Variants in CDK6 observed in about 807,000 individuals in gnomAD.
The protein encoded by CDK6 is cyclin-dependent kinase 6.
Under a neutral mutation model 37.1 loss-of-function variants are expected in CDK6, and 6 were observed. The ratio of observed to expected loss-of-function variants is 0.16; its 90% CI spans 0.09 to 0.32. The LOEUF (loss-of-function observed/expected upper bound fraction) is 0.32, where lower values mean the gene tolerates loss of function less well. CDK6 is among the 10% of genes least tolerant of loss of function. The pLI is 1.00. For missense variants in CDK6, 224 were observed against 418.9 expected (o/e 0.53, Z 4.06); for synonymous variants, 160 against 161.3 (o/e 0.99, Z 0.06).
At chr7:92,698,381 G>A (rs990754061) in intron 4 of CDK6, among the ~76,000 whole-genome samples, 2 of 152,080 alleles carry the variant, frequency 1.3e-5, no homozygotes, top group African/African-American at 4.8e-5. Flanking sequence ...TTTTTCCCTC[G>A]CGCTACCACA....
intron 2 of CDK6, among the ~76,000 whole-genome samples, chr7:92,777,319 G>A (rs1562962456): frequency 6.6e-6 from 1 of 151,994 alleles, no homozygotes; most frequent in Non-Finnish European, 1.5e-5. Flanking sequence ...CACAACCTCC[G>A]CCTCCCAGGT....
At chr7:92,644,831 A>G (rs1796404488) in intron 5 of CDK6, among the ~76,000 whole-genome samples, 1 of 152,206 alleles carries the variant, frequency 6.6e-6, no homozygotes, top group Non-Finnish European at 1.5e-5. Flanking sequence ...GGAACTCCAC[A>G]ACAACTGACC....
intron 5 of CDK6, among the ~76,000 whole-genome samples, chr7:92,655,156 T>G (rs540099519): frequency 2.0e-5 from 3 of 152,168 alleles, no homozygotes; most frequent in East Asian, 1.9e-4. Flanking sequence ...ACCAAATGGA[T>G]TTTTCAATTC....
chr7:92,808,138 T>C (rs1319986177), intron 2 of CDK6, among the ~76,000 whole-genome samples: 1 of 152,200 alleles, frequency 6.6e-6, no homozygotes, highest in Non-Finnish European at 1.5e-5. Context: ...TTTTCTTCTT[T>C]ATGTTTAGTG....
intron 4 of CDK6, among the ~76,000 whole-genome samples, chr7:92,709,476 C>T (rs1202087031): frequency 6.6e-6 from 1 of 151,994 alleles, no homozygotes; most frequent in South Asian, 2.1e-4. Context: ...CTCCTAGATT[C>T]ACCAGGGTTT....
intron 3 of CDK6, among the ~76,000 whole-genome samples, chr7:92,733,693 G>A (rs1168229329): frequency 1.3e-5 from 2 of 152,026 alleles, no homozygotes; most frequent in African/African-American, 4.8e-5. Context: ...TATTTCTCAT[G>A]TTCTAAATTA....
At position 92,609,027 on chromosome 7, in the gene CDK6, T is replaced by TG. The variant is rs1795501210; in HGVS notation, c.*6112dup. The TG allele has an allele frequency of 4.3e-6, 1 of 233,376 alleles. No individual in the cohort carries two copies. The allele number at this position is 233,376 out of a possible 1,614,324, so 14.5% of individuals were successfully genotyped here. On this transcript the variant is annotated 3_prime_UTR_variant, in exon 8 of 8. Transcript: ENST00000424848. ...GGGGCTTTAACTGGACTCTAGTTCC[T>TG]GGGAGCAGAGGGGCGAATGAGGCGG...
chr7:92,636,376 C>A (rs1473386922), intron 5 of CDK6, among the ~76,000 whole-genome samples: 1 of 151,902 alleles, frequency 6.6e-6, no homozygotes, highest in African/African-American at 2.4e-5. Flanking sequence ...ATATTAAGGT[C>A]AACTTCTGGT....
At chr7:92,750,960 C>T (rs1207538066) in intron 3 of CDK6, among the ~76,000 whole-genome samples, 1 of 152,064 alleles carries the variant, frequency 6.6e-6, no homozygotes, top group Non-Finnish European at 1.5e-5. Flanking sequence ...AACTACTACA[C>T]GATTTATTTC....
At chr7:92,818,069 C>T (rs1242383006) in intron 2 of CDK6, among the ~76,000 whole-genome samples, 2 of 151,904 alleles carry the variant, frequency 1.3e-5, no homozygotes, top group African/African-American at 4.8e-5. Flanking sequence ...AGATTAAATG[C>T]TATCCCAATA....
rs555889846 is a variant in CDK6, at chr7:92,762,883, A to G, written c.369+11813T>C. The stretch of plus-strand genomic sequence containing the variant: ...ACCGCGCCCGGCCTAGAACATCTTA[A>G]ATTGAGGATAGCTATTTCCAGATTG... On this transcript the variant is annotated intron_variant, in intron 3 of 7. Transcript: ENST00000424848. Among the ~76,000 whole-genome samples the G allele has an allele frequency of 1.4e-4, 22 of 152,236 alleles. No individual in the cohort carries two copies. In the South Asian group the frequency reaches 1.7e-3, roughly 11 times the overall value.
intron 2 of CDK6, among the ~76,000 whole-genome samples, chr7:92,792,106 G>A (rs1317138160): frequency 1.3e-5 from 2 of 152,094 alleles, no homozygotes; most frequent in African/African-American, 4.8e-5. Flanking sequence ...AAACAAGTAG[G>A]AAGTGTCTGC....
At chr7:92,689,712 T>C (rs112248192) in intron 4 of CDK6, among the ~76,000 whole-genome samples, 15,481 of 152,276 alleles carry the variant, frequency 0.1, 887 homozygotes, top group South Asian at 0.23. Context: ...ATTGCCACAC[T>C]GTCTTCTACA....
chr7:92,815,500 C>T (rs1801005425), intron 2 of CDK6, among the ~76,000 whole-genome samples: 2 of 152,192 alleles, frequency 1.3e-5, no homozygotes, highest in South Asian at 4.1e-4. Flanking sequence ...TATGAAACAA[C>T]TGCTTTCAGA....
chr7:92,673,116 C>T (rs1797127473), intron 4 of CDK6, among the ~76,000 whole-genome samples: 1 of 152,194 alleles, frequency 6.6e-6, no homozygotes, highest in South Asian at 2.1e-4. Context: ...CATGAAGATG[C>T]CCTGGTTGAC....
At chr7:92,638,069 TATA>T (rs558599430) in intron 5 of CDK6, among the ~76,000 whole-genome samples, 127 of 152,326 alleles carry the variant, frequency 8.3e-4, no homozygotes, top group African/African-American at 2.9e-3. Context: ...CTTCAGATGG[TATA>T]ATTTTAGCTC....
intron 3 of CDK6, among the ~76,000 whole-genome samples, chr7:92,755,215 T>C (rs1046721987): frequency 9.9e-5 from 15 of 152,170 alleles, no homozygotes; most frequent in African/African-American, 3.1e-4. Context: ...GACACATTGC[T>C]GTGGGGCCCA....
intron 4 of CDK6, among the ~76,000 whole-genome samples, chr7:92,718,593 C>A (rs986907054): frequency 6.6e-6 from 1 of 152,026 alleles, no homozygotes; most frequent in Admixed American, 6.6e-5. Flanking sequence ...TTATTCCAAA[C>A]ACACACACAC....
intron 5 of CDK6, among the ~76,000 whole-genome samples, chr7:92,663,919 C>A (rs917188175): frequency 6.6e-6 from 1 of 151,990 alleles, no homozygotes; most frequent in East Asian, 1.9e-4. Context: ...TTTGGGAGGC[C>A]GAGGCGGGCG....
Sources: allele counts gnomAD v4.1 joint callset (sites outside exome capture counted in the v4.1 genomes callset), GRCh38; gene constraint gnomAD v4.1.1; transcripts MANE v1.5; gene names NCBI Gene and HGNC (gene_info 2026-07-23, HGNC 2026-07-21).